The following PRKCB variants were observed in gnomAD, a reference collection of about 807,000 sequenced individuals.
PRKCB encodes protein kinase C beta, also known as protein kinase C beta type.
In PRKCB, 13 loss-of-function variants were observed where a neutral mutation model predicts 81.5. That is an observed-to-expected ratio of 0.16 (90% CI 0.10 to 0.25). The LOEUF (loss-of-function observed/expected upper bound fraction) is 0.25, where lower values mean the gene tolerates loss of function less well. Among genes scored for constraint, PRKCB ranks in the 10% least tolerant of loss-of-function variants. The pLI, the probability that PRKCB is intolerant of heterozygous loss-of-function variation, is 1.00. For synonymous variants in PRKCB, 335 were observed against 321.4 expected, an observed-to-expected ratio of 1.04 and a Z score of -0.45; for missense variants, 509 against 875.7, an observed-to-expected ratio of 0.58 and a Z score of 5.29.
intron 5 of PRKCB, among the ~76,000 whole-genome samples, chr16:24,054,501 C>T (rs1018657295): frequency 2.0e-5 from 3 of 152,118 alleles, no homozygotes; most frequent in Admixed American, 2.0e-4. Flanking sequence ...AATTTAAACC[C>T]AGGTTTGTCT....
intron 2 of PRKCB, among the ~76,000 whole-genome samples, chr16:23,880,659 C>T (rs1192545161): frequency 6.6e-6 from 1 of 151,872 alleles, no homozygotes; most frequent in Non-Finnish European, 1.5e-5. Flanking sequence ...CTGGGATCCC[C>T]TAGGGTTTCC....
chr16:23,966,652 A>G (rs1964491089), intron 2 of PRKCB, among the ~76,000 whole-genome samples: 1 of 152,122 alleles, frequency 6.6e-6, no homozygotes, highest in South Asian at 2.1e-4. Context: ...CTCAAGCCCA[A>G]CCATCTGCAG....
chr16:23,891,384 A>T, intron 2 of PRKCB, among the ~76,000 whole-genome samples: 1 of 152,054 alleles, frequency 6.6e-6, no homozygotes, highest in East Asian at 1.9e-4. Flanking sequence ...CAATGTGCTT[A>T]TTATTGAGTA....
Position 24,167,424 on chromosome 16 carries a change from G to A in PRKCB, c.1240-4846G>A, listed in dbSNP as rs74420534. Among the ~76,000 whole-genome samples the A allele has an allele frequency of 5.9e-5, 9 of 152,238 alleles. No individual in the cohort carries two copies. In the East Asian group the frequency reaches 1.7e-3, roughly 29 times the overall value. ...AAAATACAAAAATTAGCCAAGTGTG[G>A]TTGTGTGAACCTGTAGTCCCAGCTA... On this transcript the variant is annotated intron_variant, in intron 10 of 16. Transcript: ENST00000643927.
Position 24,219,250 on chromosome 16 carries a change from G to C in PRKCB, c.*4434G>C. The C allele has an allele frequency of 2.1e-6, 2 of 969,422 alleles. No homozygotes were observed. The highest frequency in any genetic ancestry group is 2.5e-6 in the Non-Finnish European group (2 of 815,284). 60.1% of individuals were successfully genotyped at this position (969,422 alleles called of 1,614,324 possible). ...AATCGAGTTGCTTTGAGTTTCTTTT[G>C]TTTTGTTTTGTTTTGTTTTGTTTTA... is the stretch of plus-strand genomic sequence containing the variant. On this transcript the variant is annotated 3_prime_UTR_variant, in exon 17 of 17. Transcript: ENST00000643927.
At chr16:24,185,718 T>G in intron 15 of PRKCB, 151 bp downstream of exon 15, 1 of 661,358 alleles carries the variant, frequency 1.5e-6, no homozygotes. Context: ...GTGGAGCTGC[T>G]ACCTCCCGGA....
intron 2 of PRKCB, among the ~76,000 whole-genome samples, chr16:23,920,928 C>A (rs988824978): frequency 2.0e-5 from 3 of 152,206 alleles, no homozygotes; most frequent in African/African-American, 7.2e-5. Flanking sequence ...CACAGTTCCA[C>A]ATGGCTGGGG....
At chr16:24,060,946 G>A (rs1965964968) in intron 5 of PRKCB, among the ~76,000 whole-genome samples, 1 of 152,152 alleles carries the variant, frequency 6.6e-6, no homozygotes, top group Non-Finnish European at 1.5e-5. Context: ...AAGATGCCTT[G>A]TTTAATGTTT....
intron 2 of PRKCB, among the ~76,000 whole-genome samples, chr16:23,900,182 A>T (rs1279866424): frequency 6.6e-6 from 1 of 152,102 alleles, no homozygotes; most frequent in Non-Finnish European, 1.5e-5. Context: ...CACAACAAAG[A>T]ATTGACCAGT....
chr16:24,188,419 G>A (rs942519523), intron 15 of PRKCB, among the ~76,000 whole-genome samples: 58 of 152,148 alleles, frequency 3.8e-4, no homozygotes, highest in African/African-American at 9.7e-4. Context: ...AGCAGAGTGC[G>A]GGAACTGGGC....
At chr16:24,000,245 C>T (rs552403021) in intron 3 of PRKCB, among the ~76,000 whole-genome samples, 1 of 152,318 alleles carries the variant, frequency 6.6e-6, no homozygotes, top group South Asian at 2.1e-4. Flanking sequence ...TCACACTGGA[C>T]TTTATAAAAA....
In PRKCB at chr16:24,039,799, C is replaced by T. The variant is rs185577336; in HGVS notation, c.529+4252C>T. Among the ~76,000 whole-genome samples the T allele has an allele frequency of 2.2e-3, 341 of 152,330 alleles. 1 individual carries two copies. The highest frequency in any genetic ancestry group is 7.7e-3 in the African/African-American group (321 of 41,570). On this transcript the variant is annotated intron_variant, in intron 5 of 16. Coordinates refer to ENST00000643927, the MANE Select transcript of PRKCB (RefSeq NM_002738.7). ...CTGGGCAGGGTCCAACAGCATCTGG[C>T]ACACTCAAGTTTCCCTTGGTCTCCT...
At chr16:23,916,417 T>C (rs772764953) in intron 2 of PRKCB, among the ~76,000 whole-genome samples, 1 of 152,026 alleles carries the variant, frequency 6.6e-6, no homozygotes, top group Non-Finnish European at 1.5e-5. Flanking sequence ...GTTTCTATGG[T>C]CTCATTTGTA....
chr16:23,847,351 T>C (rs529901587), intron 2 of PRKCB, among the ~76,000 whole-genome samples: 2 of 111,296 alleles, frequency 1.8e-5, no homozygotes, highest in East Asian at 7.0e-4. Flanking sequence ...TATCTATCTA[T>C]CTATCTATCT....
At chr16:23,902,809 C>T (rs1168912185) in intron 2 of PRKCB, among the ~76,000 whole-genome samples, 1 of 121,128 alleles carries the variant, frequency 8.3e-6, no homozygotes, top group Non-Finnish European at 1.7e-5. Context: ...TTCCTTCCTT[C>T]CTTCCTTTTT....
intron 3 of PRKCB, among the ~76,000 whole-genome samples, chr16:24,019,142 T>C (rs1414110101): frequency 6.6e-6 from 1 of 152,046 alleles, no homozygotes; most frequent in Admixed American, 6.6e-5. Context: ...CTTGCCTCCA[T>C]AGATGAACAC....
intron 2 of PRKCB, among the ~76,000 whole-genome samples, chr16:23,896,887 TC>T (rs1963387595): frequency 3.5e-5 from 2 of 56,916 alleles, no homozygotes; most frequent in African/African-American, 1.6e-4. Context: ...CATCCAACCA[TC>T]CATCCATCCA....
chr16:24,027,117 T>C (rs1307257582), intron 3 of PRKCB, among the ~76,000 whole-genome samples: 1 of 152,140 alleles, frequency 6.6e-6, no homozygotes, highest in African/African-American at 2.4e-5. Context: ...GTCATCTACA[T>C]TAGGTATTTC....
At chr16:24,174,831 G>A (rs1484109161) in intron 12 of PRKCB, 1 of 421,854 alleles carries the variant, frequency 2.4e-6, no homozygotes, top group Non-Finnish European at 4.2e-6. Flanking sequence ...ACAGGAGACT[G>A]TTTGCTCTAA....
Sources: gnomAD v4.1 joint callset for allele counts (sites outside exome capture counted in the v4.1 genomes callset) on GRCh38, gnomAD v4.1.1 for gene constraint, MANE v1.5 for transcripts, NCBI Gene and HGNC (gene_info 2026-07-23, HGNC 2026-07-21) for gene names.